ZNF385D: variants seen among roughly 807,000 people sequenced by gnomAD.
ZNF385D encodes zinc finger protein 659.
ZNF385D carries 15 observed loss-of-function variants against 35.8 expected under a neutral mutation model. The ratio of observed to expected loss-of-function variants is 0.42; its 90% confidence interval spans 0.28 to 0.64. The LOEUF (loss-of-function observed/expected upper bound fraction) is 0.64, where lower values mean the gene tolerates loss of function less well. Among genes scored for constraint, ZNF385D ranks in the 30% least tolerant of loss-of-function variants. ZNF385D has a pLI of 0.23. For synonymous variants in ZNF385D, 212 were observed against 186.8 expected (o/e 1.13, Z -1.10); for missense variants, 474 against 494.6 (o/e 0.96, Z 0.39).
intron 3 of ZNF385D, among the ~76,000 whole-genome samples, chr3:21,932,462 C>T (rs907720818): frequency 1.3e-5 from 2 of 151,650 alleles, no homozygotes; most frequent in Non-Finnish European, 2.9e-5. Flanking sequence ...AGGCTATCTA[C>T]CATAGGTACT....
chr3:21,731,017 T>G (rs2068971331), intron 1 of ZNF385D, among the ~76,000 whole-genome samples: 1 of 152,230 alleles, frequency 6.6e-6, no homozygotes, highest in Non-Finnish European at 1.5e-5. Context: ...AGTAAACTTT[T>G]GGGAATATAC....
intron 3 of ZNF385D, among the ~76,000 whole-genome samples, chr3:21,924,654 C>T (rs1362535570): frequency 6.6e-6 from 1 of 152,104 alleles, no homozygotes; most frequent in Non-Finnish European, 1.5e-5. Context: ...AAATGGGGAG[C>T]TGGGACATTC....
At chr3:22,343,484 G>T (rs1264389186) in intron 2 of ZNF385D, among the ~76,000 whole-genome samples, 7 of 152,204 alleles carry the variant, frequency 4.6e-5, no homozygotes, top group African/African-American at 1.7e-4. Flanking sequence ...AATTCCCCTG[G>T]TGGGACTACC....
intron 2 of ZNF385D, among the ~76,000 whole-genome samples, chr3:21,627,052 G>A (rs79226590): frequency 6.9e-6 from 1 of 144,186 alleles, no homozygotes; most frequent in Non-Finnish European, 1.5e-5. Context: ...TTAGGGAGGT[G>A]TTTTTTTTTT....
intron 3 of ZNF385D, among the ~76,000 whole-genome samples, chr3:22,023,422 G>A (rs972903575): frequency 1.3e-4 from 20 of 151,970 alleles, no homozygotes; most frequent in Non-Finnish European, 2.6e-4. Context: ...AAAACCCAGC[G>A]GCATAGACCA....
intron 2 of ZNF385D, among the ~76,000 whole-genome samples, chr3:21,608,012 C>CTTTTTTTTTTTTTTTTTTTTT (rs368555930): frequency 3.6e-4 from 45 of 123,932 alleles, no homozygotes; most frequent in African/African-American, 1.4e-3. Flanking sequence ...TCTTTTTCTT[C>CTTTTTTTTTTTTTTTTTTTTT]TTTTTTTTTT....
chr3:22,031,131 A>C (rs915436186), intron 3 of ZNF385D, among the ~76,000 whole-genome samples: 1 of 152,132 alleles, frequency 6.6e-6, no homozygotes, highest in African/African-American at 2.4e-5. Flanking sequence ...CTGCTTTCTT[A>C]GGCTGGTGTT....
chr3:22,036,449 G>C (rs750109206), intron 3 of ZNF385D, among the ~76,000 whole-genome samples: 1 of 151,962 alleles, frequency 6.6e-6, no homozygotes, highest in Non-Finnish European at 1.5e-5. Flanking sequence ...CAAGAAAACT[G>C]ACCTATCGAG....
At chr3:21,759,648 C>A (rs1424161270) in intron 3 of ZNF385D, among the ~76,000 whole-genome samples, 1 of 152,076 alleles carries the variant, frequency 6.6e-6, no homozygotes, top group Non-Finnish European at 1.5e-5. Context: ...TCCAATTTTT[C>A]TTAAAATAAA....
chr3:21,564,785 T>G (rs1350312834), intron 2 of ZNF385D, 101 bp from the exon 3 acceptor site: 1 of 522,366 alleles, frequency 1.9e-6, no homozygotes, highest in Non-Finnish European at 3.3e-6. Context: ...ACAGCTTCAA[T>G]CTACTGCTCA....
intron 2 of ZNF385D, among the ~76,000 whole-genome samples, chr3:22,339,415 T>C (rs902696692): frequency 6.6e-6 from 1 of 152,216 alleles, no homozygotes; most frequent in Non-Finnish European, 1.5e-5. Context: ...CCATATACTA[T>C]GCTAGGTGCT....
At chr3:21,852,277 T>C (rs1696430379) in intron 3 of ZNF385D, among the ~76,000 whole-genome samples, 1 of 151,972 alleles carries the variant, frequency 6.6e-6, no homozygotes, top group South Asian at 2.1e-4. Flanking sequence ...ATAAGATTCC[T>C]TATTCCTTAA....
At chr3:21,603,517 A>T (rs1173761325) in intron 2 of ZNF385D, among the ~76,000 whole-genome samples, 4 of 152,246 alleles carry the variant, frequency 2.6e-5, no homozygotes, top group Non-Finnish European at 5.9e-5. Flanking sequence ...ACATCTGTAC[A>T]GTTTATATTT....
chr3:21,776,335 C>T (rs2071286152), intron 3 of ZNF385D, among the ~76,000 whole-genome samples: 1 of 151,900 alleles, frequency 6.6e-6, no homozygotes, highest in African/African-American at 2.4e-5. Context: ...TTGGTACATA[C>T]TGTTCAATTG....
chr3:21,861,485 T>G (rs9310662), intron 3 of ZNF385D, among the ~76,000 whole-genome samples: 5,457 of 152,172 alleles, frequency 0.036, 252 homozygotes, highest in African/African-American at 0.098. Context: ...CAAATTTAGA[T>G]AAATACAATT....
rs577554205 is a variant in ZNF385D at position 21,842,800 on chromosome 3, A to G, written c.326-177772T>C. The stretch of plus-strand genomic sequence containing the variant: ...TTGATTTGCTATCAAACAGCAGTTA[A>G]GCTAATGCAGAAAAATTATTTTGAT... On this transcript the variant is annotated intron_variant, in intron 3 of 5. Coordinates refer to the ZNF385D transcript ENST00000494108. Among the ~76,000 whole-genome samples, 76 of 152,084 alleles carry G rather than the reference A, an allele frequency of 5.0e-4. 1 individual carries two copies. The highest frequency in any genetic ancestry group is 9.3e-4 in the Non-Finnish European group (63 of 67,986).
At chr3:22,307,316 T>C (rs1309972243) in intron 2 of ZNF385D, among the ~76,000 whole-genome samples, 1 of 152,116 alleles carries the variant, frequency 6.6e-6, no homozygotes, top group Admixed American at 6.6e-5. Context: ...GAGAAATCTT[T>C]GAATGCCACA....
chr3:22,165,799 C>A lies in ZNF385D; in HGVS notation c.325+3018G>T, dbSNP rs937279754. 2.0e-5 allele frequency among the ~76,000 whole-genome samples: 3 copies of A among 152,178 alleles called. No homozygotes were observed. The East Asian group carries it at 5.8e-4, about 29-fold the overall frequency. The stretch of plus-strand genomic sequence containing the variant: ...GAATTCTTGGCAACTCTTGCCTCAA[C>A]ACAACCCAATCCCACAGGCCAGGGT... On this transcript the variant is annotated intron_variant, in intron 3 of 5. Transcript: ENST00000494108.
chr3:22,018,428 T>C (rs911325502), intron 3 of ZNF385D, among the ~76,000 whole-genome samples: 1 of 151,976 alleles, frequency 6.6e-6, no homozygotes, highest in African/African-American at 2.4e-5. Context: ...TTTTTTCACA[T>C]GTACCTTCAA....
Sources: allele counts gnomAD v4.1 joint callset (sites outside exome capture counted in the v4.1 genomes callset), GRCh38; gene constraint gnomAD v4.1.1; transcripts MANE v1.5; gene names NCBI Gene and HGNC (gene_info 2026-07-23, HGNC 2026-07-21).